CPSF7: variants seen among roughly 807,000 people sequenced by gnomAD.
CPSF7 encodes cleavage and polyadenylation specific factor 7.
Under a neutral mutation model 44.3 loss-of-function variants are expected in CPSF7, and 1 was observed. That is an observed-to-expected ratio of 0.02 (90% CI 0.01 to 0.11). CPSF7 has a LOEUF of 0.11. CPSF7 is among the 10% of genes least tolerant of loss of function. The pLI is 1.00. For missense variants in CPSF7, 443 were observed against 607.2 expected, an observed-to-expected ratio of 0.73 and a Z score of 2.84; for synonymous variants, 202 against 222.0, an observed-to-expected ratio of 0.91 and a Z score of 0.80.
chr11:61,423,632 T>C lies in CPSF7; in HGVS notation c.55-2024A>G, dbSNP rs765651408. Among the ~76,000 whole-genome samples, 38 of 152,294 alleles carry C rather than the reference T, an allele frequency of 2.5e-4. No homozygotes were observed. The South Asian group carries it at 3.5e-3, about 14-fold the overall frequency. On this transcript the variant is annotated intron_variant, in intron 2 of 9. Transcript: ENST00000439958. The stretch of plus-strand genomic sequence containing the variant: ...CGGCAGTTTCATATTGCTATTCTTT[T>C]AAAAAGGGAATAAAGGAGGCACCTA...
At chr11:61,411,246 CTT>C in intron 8 of CPSF7, 141 bp from the exon 9 acceptor site, 1 of 765,420 alleles carries the variant, frequency 1.3e-6, no homozygotes, top group Non-Finnish European at 2.0e-6. Context: ...GATTTTAGCT[CTT>C]TGAGGACTAC....
chr11:61,429,620 A>T (rs949726989), intron 1 of CPSF7: 1 of 957,598 alleles, frequency 1.0e-6, no homozygotes, highest in Non-Finnish European at 1.5e-6. Context: ...CGCAGCCCCT[A>T]TCCGCTGCAC....
At chr11:61,418,202 T>C (rs1860518856) in intron 5 of CPSF7, among the ~76,000 whole-genome samples, 1 of 152,178 alleles carries the variant, frequency 6.6e-6, no homozygotes, top group Admixed American at 6.6e-5. Flanking sequence ...GTGGTCCTAT[T>C]TCTACCTGGA....
intron 5 of CPSF7, among the ~76,000 whole-genome samples, chr11:61,416,766 G>A (rs1245983781): frequency 1.3e-5 from 2 of 152,142 alleles, no homozygotes; most frequent in Non-Finnish European, 2.9e-5. Context: ...AACTCCAGAA[G>A]TGCTTCAGAA....
intron 2 of CPSF7, among the ~76,000 whole-genome samples, chr11:61,426,182 G>A (rs1344503934): frequency 3.3e-5 from 5 of 152,232 alleles, no homozygotes; most frequent in Non-Finnish European, 2.9e-5. Flanking sequence ...TTTCCTTGAG[G>A]AGCAAAGTGC....
intron 5 of CPSF7, 59 bp downstream of exon 5, chr11:61,419,890 A>ACC (rs761885966): frequency 1.1e-5 from 17 of 1,531,724 alleles, no homozygotes; most frequent in South Asian, 8.1e-5. Flanking sequence ...ACCCACAAAC[A>ACC]CCCCCCCCTC....
chr11:61,409,191 C>T lies in CPSF7; in HGVS notation c.*5+1747G>A, dbSNP rs368494376. On this transcript the variant is annotated intron_variant, in intron 9 of 9. Coordinates refer to ENST00000439958, the MANE Select transcript of CPSF7 (RefSeq NM_001142565.3). ...AACAAAACAAAACAAAACAAAAAAACAGCCGGGTGCGGTGGCTCACGCCTG... is the reference window on the plus strand; with the variant it reads ...AACAAAACAAAACAAAACAAAAAAATAGCCGGGTGCGGTGGCTCACGCCTG... 2.6e-5 allele frequency among the ~76,000 whole-genome samples: 4 copies of T among 151,122 alleles called. No individual in the cohort carries two copies. In the East Asian group the frequency reaches 7.8e-4, roughly 30 times the overall value.
chr11:61,421,047 C>A (rs767601182), intron 3 of CPSF7: 1 of 1,326,008 alleles, frequency 7.5e-7, no homozygotes, highest in South Asian at 1.2e-5. Flanking sequence ...TAATCCCCAT[C>A]ACCCACCATT....
intron 8 of CPSF7, 97 bp downstream of exon 8, chr11:61,411,670 GGT>G: frequency 8.9e-7 from 1 of 1,129,282 alleles, no homozygotes; most frequent in Non-Finnish European, 1.3e-6. Context: ...CTTTCGGCCA[GGT>G]CTTTCCCAGA....
intron 2 of CPSF7, among the ~76,000 whole-genome samples, chr11:61,424,798 A>G (rs1227037126): frequency 2.0e-5 from 3 of 152,320 alleles, no homozygotes; most frequent in Middle Eastern, 3.4e-3. Context: ...CGTAAACAGA[A>G]TAAGGAAACA....
chr11:61,420,356 G>A (rs907331111), intron 4 of CPSF7, 114 bp downstream of exon 4: 3 of 961,124 alleles, frequency 3.1e-6, no homozygotes, highest in Non-Finnish European at 4.8e-6. Flanking sequence ...CCAAAACCAA[G>A]GCAGTAAGCT....
At chr11:61,413,560 G>A (rs540295399) in intron 7 of CPSF7, among the ~76,000 whole-genome samples, 1 of 151,922 alleles carries the variant, frequency 6.6e-6, no homozygotes, top group Middle Eastern at 3.4e-3. Flanking sequence ...AAATCTGGGA[G>A]GGAGAGGTTG....
Position 61,403,303 on chromosome 11 carries a change from CATGTT to C in CPSF7, c.*1402_*1406del, listed in dbSNP as rs1452191080. 6.6e-6 allele frequency: 1 copy of C among 152,236 alleles called. No individual in the cohort carries two copies. Among genetic ancestry groups the C allele is most frequent in the Non-Finnish European group, 1.5e-5 (1 of 68,064 alleles). The allele number at this position is 152,236 out of a possible 1,614,324, so 9.4% of individuals were successfully genotyped here. A position where few individuals can be genotyped will look rare whatever the true frequency, so the allele number is the denominator to read the frequency against. On this transcript the variant is annotated 3_prime_UTR_variant, in exon 10 of 10. Transcript: ENST00000439958. ...AAGTCTCATCTCACATGCCACGTCT[CATGTT>C]AGGTGTCAGATGCCCTGTAGATGCA...
At chr11:61,429,543 G>A in intron 1 of CPSF7, 1 of 578,552 alleles carries the variant, frequency 1.7e-6, no homozygotes, top group Non-Finnish European at 2.9e-6. Context: ...TGGCGCGACG[G>A]AAAAGTCCCA....
chr11:61,411,333 T>C (rs1220004837), intron 8 of CPSF7, among the ~76,000 whole-genome samples: 1 of 152,220 alleles, frequency 6.6e-6, no homozygotes, highest in Non-Finnish European at 1.5e-5. Context: ...GCTAATAATT[T>C]TGTATGGATT....
chr11:61,428,929 T>C (rs561640199), intron 2 of CPSF7: 3 of 281,984 alleles, frequency 1.1e-5, no homozygotes, highest in South Asian at 7.7e-5. Flanking sequence ...ATTCCACAGG[T>C]TGATTCACCA....
At chr11:61,429,682 T>A (rs1268199615) in intron 1 of CPSF7, 69 of 1,483,204 alleles carry the variant, frequency 4.7e-5, no homozygotes, top group Admixed American at 1.2e-4. Flanking sequence ...GTCAAGCAGC[T>A]CCAGCCGCCT....
intron 7 of CPSF7, among the ~76,000 whole-genome samples, chr11:61,414,039 G>A (rs1479277898): frequency 6.6e-6 from 1 of 152,096 alleles, no homozygotes; most frequent in Non-Finnish European, 1.5e-5. Flanking sequence ...ATCTTAGTGT[G>A]AAAGGGTTGA....
chr11:61,421,101 C>G (rs1205157668), intron 3 of CPSF7: 1 of 1,382,672 alleles, frequency 7.2e-7, no homozygotes, highest in Non-Finnish European at 9.5e-7. Flanking sequence ...AAGGTGTTCA[C>G]TCTGAAATCT....
Sources: gnomAD v4.1 joint callset for allele counts (sites outside exome capture counted in the v4.1 genomes callset) on GRCh38, gnomAD v4.1.1 for gene constraint, MANE v1.5 for transcripts, NCBI Gene and HGNC (gene_info 2026-07-23, HGNC 2026-07-21) for gene names.